Variants in TLN2 observed in about 807,000 individuals in gnomAD.
TLN2 encodes talin 2.
In TLN2, 118 loss-of-function variants were observed where a neutral mutation model predicts 294.7. The observed-to-expected ratio is 0.40, with a 90% CI of 0.34 to 0.47. The LOEUF (loss-of-function observed/expected upper bound fraction) is 0.47, where lower values mean the gene tolerates loss of function less well. Ranked by LOEUF, TLN2 falls within the 20% of genes least tolerant of loss-of-function variation. The pLI, the probability that TLN2 is intolerant of heterozygous loss-of-function variation, is 0.84. For missense variants in TLN2, 3,083 were observed against 3,282.2 expected (o/e 0.94, Z 1.48); for synonymous variants, 1,431 against 1,304.5 (o/e 1.10, Z -2.09).
intron 1 of TLN2, among the ~76,000 whole-genome samples, chr15:62,416,496 G>A (rs1050878907): frequency 1.3e-5 from 2 of 152,168 alleles, no homozygotes; most frequent in Non-Finnish European, 2.9e-5. Flanking sequence ...TAGCTAAGTA[G>A]ATACAACTCA....
chr15:62,615,055 C>T (rs2048205035), intron 2 of TLN2, among the ~76,000 whole-genome samples: 1 of 152,154 alleles, frequency 6.6e-6, no homozygotes, highest in South Asian at 2.1e-4. Context: ...ATCCGCCTGC[C>T]TCGGCTTCCC....
At chr15:62,502,603 CT>C (rs1453980187) in intron 1 of TLN2, among the ~76,000 whole-genome samples, 3 of 152,200 alleles carry the variant, frequency 2.0e-5, no homozygotes, top group African/African-American at 7.2e-5. Flanking sequence ...GATTCCAAAG[CT>C]GGTAATCATG....
At chr15:62,554,177 T>C (rs957063357) in intron 1 of TLN2, among the ~76,000 whole-genome samples, 5 of 151,952 alleles carry the variant, frequency 3.3e-5, no homozygotes, top group East Asian at 3.9e-4. Flanking sequence ...GAAAACACTT[T>C]AGTGTTAAAG....
At chr15:62,400,819 T>G (rs1447461857) in intron 1 of TLN2, among the ~76,000 whole-genome samples, 4 of 150,252 alleles carry the variant, frequency 2.7e-5, no homozygotes, top group African/African-American at 7.4e-5. Flanking sequence ...CCGGTTTTTT[T>G]TTTTTTTTTT....
intron 29 of TLN2, among the ~76,000 whole-genome samples, chr15:62,737,900 G>T (rs2061114655): frequency 6.6e-6 from 1 of 152,226 alleles, no homozygotes; most frequent in Admixed American, 6.5e-5. Context: ...TTTAGAACCT[G>T]ACCTCATGCT....
chr15:62,578,292 C>A (rs2044605731), intron 1 of TLN2, among the ~76,000 whole-genome samples: 1 of 152,178 alleles, frequency 6.6e-6, no homozygotes, highest in South Asian at 2.1e-4. Context: ...TACCATTGTG[C>A]ATGGTGTCTC....
intron 1 of TLN2, among the ~76,000 whole-genome samples, chr15:62,404,523 C>G (rs1012434986): frequency 6.6e-6 from 1 of 152,074 alleles, no homozygotes; most frequent in Non-Finnish European, 1.5e-5. Flanking sequence ...TTTCAGACAC[C>G]CAGGTTAAAA....
intron 9 of TLN2, among the ~76,000 whole-genome samples, chr15:62,662,065 A>G (rs1346671950): frequency 6.6e-6 from 1 of 152,188 alleles, no homozygotes; most frequent in African/African-American, 2.4e-5. Flanking sequence ...AGATCAAAAT[A>G]GAAGAAATAA....
At chr15:62,628,352 G>A (rs1170189742) in intron 3 of TLN2, among the ~76,000 whole-genome samples, 1 of 152,188 alleles carries the variant, frequency 6.6e-6, no homozygotes, top group Non-Finnish European at 1.5e-5. Context: ...ATCCCAGGGT[G>A]ACTTGCATAG....
intron 1 of TLN2, among the ~76,000 whole-genome samples, chr15:62,461,409 C>T (rs1307121347): frequency 3.3e-5 from 5 of 152,180 alleles, no homozygotes; most frequent in Admixed American, 6.5e-5. Flanking sequence ...GTTCATATTA[C>T]GTACCTGTTC....
At chr15:62,751,433 A>G (rs2061935856) in intron 34 of TLN2, among the ~76,000 whole-genome samples, 1 of 152,264 alleles carries the variant, frequency 6.6e-6, no homozygotes, top group East Asian at 1.9e-4. Flanking sequence ...ATACACACTC[A>G]GATCCAAAGA....
intron 11 of TLN2, among the ~76,000 whole-genome samples, chr15:62,682,167 T>C (rs533817362): frequency 1.3e-5 from 2 of 152,250 alleles, no homozygotes; most frequent in Non-Finnish European, 2.9e-5. Flanking sequence ...TACTCAACTT[T>C]GCCCCTGTAG....
At position 62,673,244 on chromosome 15, in the gene TLN2, T is replaced by G. The variant is rs1293011891; in HGVS notation, c.789-583T>G. Among the ~76,000 whole-genome samples the G allele has an allele frequency of 7.9e-5, 12 of 151,450 alleles. No homozygotes were observed. In the Admixed American group the frequency reaches 7.9e-4, roughly 10 times the overall value. ...GTTTTGCAGTTACTTGACATAATTATTCTTCCTGTAGTTATGCTGTCAGCT... is the reference window on the plus strand; with the variant it reads ...GTTTTGCAGTTACTTGACATAATTAGTCTTCCTGTAGTTATGCTGTCAGCT... On this transcript the variant is annotated intron_variant, in intron 9 of 58. Coordinates refer to ENST00000636159, the MANE Select transcript of TLN2 (RefSeq NM_015059.3).
At chr15:62,490,710 A>G (rs1054023920) in intron 1 of TLN2, among the ~76,000 whole-genome samples, 1 of 152,128 alleles carries the variant, frequency 6.6e-6, no homozygotes, top group African/African-American at 2.4e-5. Flanking sequence ...TGCATGAGGA[A>G]GCTGCTTTGG....
chr15:62,805,348 A>AAC (rs145392555), intron 50 of TLN2, among the ~76,000 whole-genome samples: 5,044 of 152,268 alleles, frequency 0.033, 113 homozygotes, highest in African/African-American at 0.046. Flanking sequence ...CCAACAGGTT[A>AAC]ACACTCTAGA....
chr15:62,816,113 GA>G (rs2067094224), intron 52 of TLN2, among the ~76,000 whole-genome samples: 1 of 152,152 alleles, frequency 6.6e-6, no homozygotes, highest in East Asian at 1.9e-4. Flanking sequence ...ACTCCAAATG[GA>G]AAACCCCCGC....
chr15:62,460,342 C>G (rs1034180081), intron 1 of TLN2, among the ~76,000 whole-genome samples: 1 of 151,648 alleles, frequency 6.6e-6, no homozygotes, highest in African/African-American at 2.4e-5. Context: ...CTCAGCTCAC[C>G]GCAACCTCCG....
rs1345758940 is a variant in TLN2 at position 62,746,755 on chromosome 15, T to A, written c.4026-1596T>A. Among the ~76,000 whole-genome samples, 3 of 152,186 alleles carry A rather than the reference T, an allele frequency of 2.0e-5. No homozygotes were observed. The East Asian group carries it at 5.8e-4, about 29-fold the overall frequency. ...AAAGCTGCAGTGGTTAGAAACTGAG[T>A]CGAATTCTGGGCCCTGCCAGAAGCG... On this transcript the variant is annotated intron_variant, in intron 32 of 58. Coordinates refer to ENST00000636159, the MANE Select transcript of TLN2 (RefSeq NM_015059.3).
Position 62,560,878 on chromosome 15 carries a change from A to C in TLN2, c.-237-28809A>C, listed in dbSNP as rs113756777. On this transcript the variant is annotated intron_variant, in intron 1 of 58. Transcript: ENST00000636159. ...CATCGAGTGTGCAGAACTGCAACCG[A>C]GGCAGCTGGAGCCAGGAGGCAACGA... Among the ~76,000 whole-genome samples the C allele has an allele frequency of 6.6e-3, 1,000 of 152,328 alleles. 9 individuals are homozygous for C. The highest frequency in any genetic ancestry group is 0.023 in the African/African-American group (953 of 41,576).
Sources: allele counts gnomAD v4.1 joint callset (sites outside exome capture counted in the v4.1 genomes callset), GRCh38; gene constraint gnomAD v4.1.1; transcripts MANE v1.5; gene names NCBI Gene and HGNC (gene_info 2026-07-23, HGNC 2026-07-21).